RAD21: variants seen among roughly 807,000 people sequenced by gnomAD.
The protein encoded by RAD21 is RAD21 cohesin complex component.
Under a neutral mutation model 71.5 loss-of-function variants are expected in RAD21, and 18 were observed. The ratio of observed to expected loss-of-function variants is 0.25; its 90% CI spans 0.17 to 0.37. The LOEUF (loss-of-function observed/expected upper bound fraction) is 0.37. Ranked by LOEUF, RAD21 falls within the 10% of genes least tolerant of loss-of-function variation. The pLI is 1.00. For synonymous variants in RAD21, 248 were observed against 254.0 expected, an observed-to-expected ratio of 0.98 and a Z score of 0.22; for missense variants, 493 against 769.1, an observed-to-expected ratio of 0.64 and a Z score of 4.25.
intron 1 of RAD21, 127 bp downstream of exon 1, chr8:116,874,482 GGC>G (rs1812927488): frequency 4.6e-6 from 1 of 216,448 alleles, no homozygotes; most frequent in South Asian, 5.5e-5. Context: ...AGCACGCGTG[GGC>G]GCGGCGAGGG....
intron 8 of RAD21, among the ~76,000 whole-genome samples, chr8:116,855,119 T>C (rs1432099572): frequency 1.3e-5 from 2 of 152,008 alleles, no homozygotes; most frequent in Non-Finnish European, 2.9e-5. Flanking sequence ...ACCCCAAAGG[T>C]TTTTGGTTCA....
intron 5 of RAD21, 54 bp downstream of exon 5, chr8:116,858,298 T>C: frequency 1.5e-6 from 2 of 1,356,188 alleles, no homozygotes; most frequent in Non-Finnish European, 2.1e-6. Context: ...AAATTGCTAT[T>C]AGCAACACAA....
chr8:116,862,233 G>A (rs1481708009), intron 3 of RAD21, among the ~76,000 whole-genome samples: 2 of 152,034 alleles, frequency 1.3e-5, no homozygotes, highest in African/African-American at 2.4e-5. Context: ...TTATGAGGGG[G>A]AAAAAGAATA....
At chr8:116,873,696 T>C (rs1343924321) in intron 1 of RAD21, among the ~76,000 whole-genome samples, 1 of 151,734 alleles carries the variant, frequency 6.6e-6, no homozygotes, top group Admixed American at 6.6e-5. Flanking sequence ...TCCCCCAGGG[T>C]TTCCCTCTTA....
chr8:116,856,335 T>G (rs775895600), intron 7 of RAD21, 47 bp from the exon 8 acceptor site: 9 of 1,419,512 alleles, frequency 6.3e-6, no homozygotes, highest in African/African-American at 1.5e-5. Flanking sequence ...AGCTTTGGTA[T>G]ATAACATATA....
intron 1 of RAD21, among the ~76,000 whole-genome samples, chr8:116,869,578 CTG>C (rs1402349933): frequency 4.6e-5 from 7 of 151,136 alleles, no homozygotes; most frequent in Non-Finnish European, 1.0e-4. Flanking sequence ...CAGCAAGACT[CTG>C]TATAAAAAGA....
chr8:116,867,197 A>T (rs1239840577), intron 1 of RAD21, among the ~76,000 whole-genome samples: 1 of 152,202 alleles, frequency 6.6e-6, no homozygotes, highest in African/African-American at 2.4e-5. Context: ...TCTGGGATAA[A>T]TTATCTGTAA....
At chr8:116,859,464 C>T (rs1427918823) in intron 4 of RAD21, among the ~76,000 whole-genome samples, 1 of 152,074 alleles carries the variant, frequency 6.6e-6, no homozygotes, top group Non-Finnish European at 1.5e-5. Flanking sequence ...TAGTCTCAAA[C>T]CCCTGGCCTC....
chr8:116,857,588 T>C, intron 5 of RAD21, 115 bp from the exon 6 acceptor site: 1 of 890,934 alleles, frequency 1.1e-6, no homozygotes, highest in Non-Finnish European at 1.7e-6. Flanking sequence ...GAAGTCTTAC[T>C]TCAAATGTTA....
At chr8:116,870,236 G>A (rs1343149034) in intron 1 of RAD21, among the ~76,000 whole-genome samples, 1 of 152,156 alleles carries the variant, frequency 6.6e-6, no homozygotes, top group East Asian at 1.9e-4. Context: ...GTTAAGGAAG[G>A]AAGAAATTGG....
chr8:116,848,769 AAAAAG>A (rs779148357), intron 13 of RAD21, 172 bp downstream of exon 13: 25 of 450,642 alleles, frequency 5.5e-5, no homozygotes, highest in Middle Eastern at 5.7e-4. Context: ...AATAAAAAAA[AAAAAG>A]AAAAGAAAAC....
At chr8:116,861,027 T>C (rs1251613041) in intron 4 of RAD21, among the ~76,000 whole-genome samples, 1 of 152,142 alleles carries the variant, frequency 6.6e-6, no homozygotes, top group African/African-American at 2.4e-5. Flanking sequence ...TTATTAGCTA[T>C]GTTTAAAAAT....
At position 116,874,752 on chromosome 8, in the gene RAD21, T is replaced by G. The variant is rs112072631; in HGVS notation, c.-174A>C. ...CCGCCGCCACAGCCGGCGCCTCCTT[T>G]CCGATTCACTCAAACAAACAAGATG... On this transcript the variant is annotated 5_prime_UTR_variant, in exon 1 of 14. Transcript: ENST00000297338. 223 of 455,760 alleles carry G rather than the reference T, an allele frequency of 4.9e-4. 1 individual carries two copies. Among genetic ancestry groups the G allele is most frequent in the African/African-American group, 3.8e-3 (192 of 50,130 alleles). 28.2% of individuals were successfully genotyped at this position (455,760 alleles called of 1,614,324 possible).
At chr8:116,865,544 T>C (rs1260802641) in intron 2 of RAD21, among the ~76,000 whole-genome samples, 2 of 152,116 alleles carry the variant, frequency 1.3e-5, no homozygotes, top group Non-Finnish European at 2.9e-5. Flanking sequence ...CTCAAAAACA[T>C]GTCCATCACT....
intron 2 of RAD21, 44 bp downstream of exon 2, chr8:116,866,542 T>C (rs1191837880): frequency 1.3e-6 from 2 of 1,558,916 alleles, no homozygotes; most frequent in South Asian, 1.2e-5. Flanking sequence ...CACATATCAA[T>C]AAACAATCAA....
intron 4 of RAD21, among the ~76,000 whole-genome samples, chr8:116,859,451 G>T (rs957969298): frequency 6.6e-6 from 1 of 152,000 alleles, no homozygotes; most frequent in Non-Finnish European, 1.5e-5. Flanking sequence ...ATATTGCCCA[G>T]GCTAGTCTCA....
intron 1 of RAD21, among the ~76,000 whole-genome samples, chr8:116,873,615 G>A (rs1006851936): frequency 1.3e-5 from 2 of 149,704 alleles, no homozygotes; most frequent in East Asian, 3.9e-4. Context: ...GCCTTTCCCA[G>A]AAACTCTTCG....
rs751467905 is a variant in RAD21 at position 116,850,712 on chromosome 8, G to C, written c.1526C>G (p.Pro509Arg). The C allele has an allele frequency of 6.2e-7, 1 of 1,613,514 alleles. No individual in the cohort carries two copies. The highest frequency in any genetic ancestry group is 8.5e-7 in the Non-Finnish European group (1 of 1,179,588). ...TGGTATTAGCTGACAGATATTTGGA[G>C]GTTCTTCTGGGGGAAGCTCTACAGG... ...IPPVELPPEE[P>R]PNICQLIPEL... The change falls in exon 12 of 14, where the codon CCT becomes CGT. Residue 509 changes from proline to arginine, a missense_variant. This residue lies in a region of RAD21 where 225 missense variants were observed against 218.3 expected (regional missense o/e 1.03). Transcript: ENST00000297338.
intron 1 of RAD21, among the ~76,000 whole-genome samples, chr8:116,870,344 T>C (rs371008490): frequency 1.3e-5 from 2 of 152,108 alleles, no homozygotes; most frequent in African/African-American, 2.4e-5. Context: ...CTGGTCAATA[T>C]AGCAAGACCC....
Sources: allele counts gnomAD v4.1 joint callset (sites outside exome capture counted in the v4.1 genomes callset), GRCh38; gene constraint gnomAD v4.1.1; regional missense constraint gnomAD v4.1.1; transcripts MANE v1.5; gene names NCBI Gene and HGNC (gene_info 2026-07-23, HGNC 2026-07-21).